Variants in PCDH11X observed in about 807,000 individuals in gnomAD.
PCDH11X encodes protocadherin-11 X-linked.
In PCDH11X, 18 loss-of-function variants were observed where a neutral mutation model predicts 53.3. The ratio of observed to expected loss-of-function variants is 0.34; its 90% confidence interval spans 0.23 to 0.50. The LOEUF is 0.50. PCDH11X is among the 20% of genes least tolerant of loss of function. PCDH11X has a pLI of 0.98. For missense variants in PCDH11X, 570 were observed against 1,032.4 expected (o/e 0.55, Z 6.14); for synonymous variants, 279 against 393.3 (o/e 0.71, Z 3.44).
At chrX:92,338,376 A>G (rs775149114) in intron 8 of PCDH11X, among the ~76,000 whole-genome samples, 2 of 111,529 alleles carry the variant, frequency 1.8e-5, no homozygotes, top group East Asian at 2.8e-4. Flanking sequence ...GACTGTCACA[A>G]TGTTCCTTTT....
At chrX:92,523,745 C>A (rs1259754643) in intron 10 of PCDH11X, among the ~76,000 whole-genome samples, 1 of 111,822 alleles carries the variant, frequency 8.9e-6, no homozygotes, top group Non-Finnish European at 1.9e-5. Context: ...AGCAGTGAAT[C>A]AGTATGCCTT....
intron 10 of PCDH11X, among the ~76,000 whole-genome samples, chrX:92,491,357 T>G (rs1232991423): frequency 1.8e-5 from 2 of 111,024 alleles, no homozygotes; most frequent in Non-Finnish European, 3.8e-5. Flanking sequence ...TTTCCAGAAG[T>G]ATGTTGTATA....
intron 1 of PCDH11X, among the ~76,000 whole-genome samples, chrX:91,789,260 T>C (rs1362426005): frequency 9.6e-6 from 1 of 103,690 alleles, no homozygotes; most frequent in East Asian, 3.0e-4. Context: ...ATACCTTAAT[T>C]GTTATTTGAT....
At chrX:92,284,603 G>A (rs745878771) in intron 8 of PCDH11X, among the ~76,000 whole-genome samples, 38 of 112,191 alleles carry the variant, frequency 3.4e-4, no homozygotes, top group African/African-American at 1.2e-3. Context: ...GTCAGAAAAC[G>A]CAGGATGAGA....
At position 91,839,451 on chromosome X, in the gene PCDH11X, T is replaced by TA. The variant is rs1323382399; in HGVS notation, c.540+3414dup. Among the ~76,000 whole-genome samples, 8 of 61,963 alleles carry TA rather than the reference T, an allele frequency of 1.3e-4. No homozygotes were observed. The East Asian group carries it at 1.8e-3, about 14-fold the overall frequency. 53.8% of individuals were successfully genotyped at this position (61,963 alleles called of 115,157 possible). On this transcript the variant is annotated intron_variant, in intron 5 of 10. Transcript: ENST00000682573. ...CAACACAGTGAAACCCCGTCTCTAC[T>TA]AAAAAAATACAAAAAAAAAAAAAAA...
At chrX:92,497,796 A>G (rs1334603501) in intron 10 of PCDH11X, among the ~76,000 whole-genome samples, 2 of 110,362 alleles carry the variant, frequency 1.8e-5, no homozygotes, top group African/African-American at 6.6e-5. Flanking sequence ...AATAACCATT[A>G]CAATAGAGAA....
chrX:92,215,526 C>T (rs6522506), intron 7 of PCDH11X, among the ~76,000 whole-genome samples: 292 of 13,539 alleles, frequency 0.022, 14 homozygotes, highest in East Asian at 0.19. Flanking sequence ...GCCCAGGCTT[C>T]CTTAGGTAAA....
intron 6 of PCDH11X, among the ~76,000 whole-genome samples, chrX:92,111,751 C>CATTT (rs201100000): frequency 0.053 from 5,773 of 108,728 alleles, 447 homozygotes; most frequent in African/African-American, 0.19. Flanking sequence ...TCTCATTTTT[C>CATTT]ATTTATTTAT....
intron 7 of PCDH11X, among the ~76,000 whole-genome samples, chrX:92,232,144 A>G (rs1383955702): frequency 4.5e-5 from 5 of 112,117 alleles, no homozygotes; most frequent in African/African-American, 9.7e-5. Context: ...TGAGGTGTTG[A>G]GGAATTATTT....
At chrX:92,213,734 T>C (rs2066634959) in intron 7 of PCDH11X, among the ~76,000 whole-genome samples, 1 of 111,849 alleles carries the variant, frequency 8.9e-6, no homozygotes, top group Non-Finnish European at 1.9e-5. Context: ...CTGGAGCTCT[T>C]GGACTACAAA....
chrX:92,482,441 A>G (rs1303884905), intron 10 of PCDH11X, among the ~76,000 whole-genome samples: 2 of 110,513 alleles, frequency 1.8e-5, no homozygotes, highest in Non-Finnish European at 3.8e-5. Context: ...TGTGTGCATA[A>G]TTCTGTTCTT....
At position 92,423,369 on chromosome X, in the gene PCDH11X, C is replaced by T. The variant is rs1306132062; in HGVS notation, c.3343+35436C>T. On this transcript the variant is annotated intron_variant, in intron 9 of 10. Coordinates refer to ENST00000682573, the MANE Select transcript of PCDH11X (RefSeq NM_032968.5). ...TTTTTCTGTTAATTCGTTTGAGTTC[C>T]TTGTAGATTCTGGACATTAGTCTTT... 3.1e-5 allele frequency among the ~76,000 whole-genome samples: 3 copies of T among 96,414 alleles called. 1 individual carries two copies. Among genetic ancestry groups the T allele is most frequent in the Non-Finnish European group, 6.9e-5 (3 of 43,769 alleles). The allele number at this position is 96,414 out of a possible 115,157, so 83.7% of individuals were successfully genotyped here.
intron 6 of PCDH11X, among the ~76,000 whole-genome samples, chrX:91,977,773 A>G (rs752955734): frequency 1.8e-5 from 2 of 111,824 alleles, no homozygotes; most frequent in Admixed American, 1.9e-4. Context: ...CTTGGCCAGC[A>G]TAGTTTGTTT....
At chrX:92,115,429 A>G (rs2064618240) in intron 6 of PCDH11X, among the ~76,000 whole-genome samples, 1 of 110,670 alleles carries the variant, frequency 9.0e-6, no homozygotes, top group Non-Finnish European at 1.9e-5. Flanking sequence ...AGGAGACTGT[A>G]CTAGTCAGGG....
chrX:92,513,134 T>A (rs1370999211), intron 10 of PCDH11X, among the ~76,000 whole-genome samples: 1 of 111,030 alleles, frequency 9.0e-6, no homozygotes, highest in Non-Finnish European at 1.9e-5. Flanking sequence ...ATTCGTATGC[T>A]TACTATTGTT....
At chrX:92,458,684 T>C (rs945668181) in intron 9 of PCDH11X, among the ~76,000 whole-genome samples, 5 of 110,892 alleles carry the variant, frequency 4.5e-5, no homozygotes, top group African/African-American at 1.6e-4. Flanking sequence ...TTCAGCTCCA[T>C]ACATGTTGTT....
intron 6 of PCDH11X, among the ~76,000 whole-genome samples, chrX:92,056,269 T>A (rs1274681475): frequency 8.9e-5 from 10 of 111,870 alleles, no homozygotes; most frequent in Non-Finnish European, 1.9e-5. Flanking sequence ...TGGATTGGCA[T>A]TTCTCTAATG....
intron 1 of PCDH11X, among the ~76,000 whole-genome samples, chrX:91,793,839 T>G (rs750136104): frequency 9.0e-6 from 1 of 111,610 alleles, no homozygotes; most frequent in Admixed American, 9.5e-5. Flanking sequence ...TAATTTTATT[T>G]GAATTACATT....
At chrX:92,023,819 A>C (rs1173175218) in intron 6 of PCDH11X, among the ~76,000 whole-genome samples, 21 of 109,342 alleles carry the variant, frequency 1.9e-4, no homozygotes, top group Non-Finnish European at 3.8e-4. Flanking sequence ...TATCCACCAC[A>C]ATCAAGTCGG....
Sources: gnomAD v4.1 joint callset for allele counts (sites outside exome capture counted in the v4.1 genomes callset) on GRCh38, gnomAD v4.1.1 for gene constraint, MANE v1.5 for transcripts, NCBI Gene and HGNC (gene_info 2026-07-23, HGNC 2026-07-21) for gene names.